Variants in ANTXR2 observed in about 807,000 individuals in gnomAD.
ANTXR2 encodes anthrax toxin receptor 2.
ANTXR2 carries 44 observed loss-of-function variants against 73.7 expected under a neutral mutation model. That is an observed-to-expected ratio of 0.60 (90% CI 0.47 to 0.77). The LOEUF (loss-of-function observed/expected upper bound fraction) is 0.77. Ranked by LOEUF, ANTXR2 falls within the 30% of genes least tolerant of loss-of-function variation. ANTXR2 has a pLI of 0.00. For synonymous variants in ANTXR2, 217 were observed against 205.9 expected, an observed-to-expected ratio of 1.05 and a Z score of -0.46; for missense variants, 604 against 592.5, an observed-to-expected ratio of 1.02 and a Z score of -0.20.
At chr4:80,025,978 C>T (rs774769690) in intron 10 of ANTXR2, among the ~76,000 whole-genome samples, 1 of 152,126 alleles carries the variant, frequency 6.6e-6, no homozygotes, top group African/African-American at 2.4e-5. Context: ...TTTCCATTTG[C>T]TGTGTGTTTT....
At chr4:80,002,753 C>T (rs377169578) in intron 12 of ANTXR2, among the ~76,000 whole-genome samples, 1 of 151,798 alleles carries the variant, frequency 6.6e-6, no homozygotes, top group Non-Finnish European at 1.5e-5. Flanking sequence ...GGGTGAAGGA[C>T]ATGAACAGAC....
At chr4:79,915,827 TCC>T (rs796390499) in intron 16 of ANTXR2, among the ~76,000 whole-genome samples, 27 of 91,932 alleles carry the variant, frequency 2.9e-4, no homozygotes, top group Middle Eastern at 5.1e-3. Context: ...TCTGTCTCTC[TCC>T]CTCTCTCTCT....
chr4:79,977,734 G>A (rs1341828239), intron 15 of ANTXR2, 33 bp from the exon 16 acceptor site: 2 of 1,536,402 alleles, frequency 1.3e-6, no homozygotes, highest in Non-Finnish European at 1.8e-6. Flanking sequence ...AATTCCCAGA[G>A]AATGTACTCA....
intron 12 of ANTXR2, among the ~76,000 whole-genome samples, chr4:79,989,945 A>G (rs1405604182): frequency 6.6e-6 from 1 of 151,836 alleles, no homozygotes; most frequent in East Asian, 1.9e-4. Context: ...CTTCATGTTA[A>G]AACTCTCAAC....
intron 12 of ANTXR2, among the ~76,000 whole-genome samples, chr4:79,989,239 A>T (rs897024085): frequency 6.6e-6 from 1 of 152,012 alleles, no homozygotes; most frequent in African/African-American, 2.4e-5. Flanking sequence ...AGATTGATAA[A>T]CCACTAACTA....
At chr4:79,951,595 A>C (rs886581968) in intron 16 of ANTXR2, among the ~76,000 whole-genome samples, 785 of 68,276 alleles carry the variant, frequency 0.011, 6 homozygotes, top group African/African-American at 0.02. Flanking sequence ...CAACAACAAA[A>C]AAAAAAAAAC....
chr4:79,908,664 A>C (rs889965314), intron 16 of ANTXR2, among the ~76,000 whole-genome samples: 1 of 152,192 alleles, frequency 6.6e-6, no homozygotes, highest in East Asian at 1.9e-4. Flanking sequence ...GCCAATTTTT[A>C]TTACTTACTT....
At chr4:80,058,549 T>G (rs1734105995) in intron 3 of ANTXR2, among the ~76,000 whole-genome samples, 1 of 152,080 alleles carries the variant, frequency 6.6e-6, no homozygotes, top group Admixed American at 6.6e-5. Context: ...CAGACAGATC[T>G]CAGACCCTTG....
chr4:79,923,926 T>A (rs977729401), intron 16 of ANTXR2, among the ~76,000 whole-genome samples: 1 of 152,170 alleles, frequency 6.6e-6, no homozygotes, highest in Admixed American at 6.6e-5. Context: ...TATGAATTAT[T>A]AACATTATTA....
chr4:80,070,829 T>A (rs1734752970), intron 2 of ANTXR2, among the ~76,000 whole-genome samples: 1 of 152,060 alleles, frequency 6.6e-6, no homozygotes, highest in South Asian at 2.1e-4. Context: ...TCCTTTCCAT[T>A]ATCTTGATAA....
At chr4:79,908,776 C>T (rs971268780) in intron 16 of ANTXR2, among the ~76,000 whole-genome samples, 7 of 152,100 alleles carry the variant, frequency 4.6e-5, no homozygotes, top group Non-Finnish European at 8.8e-5. Flanking sequence ...TGATACAGGT[C>T]ATAGGTCATG....
intron 16 of ANTXR2, among the ~76,000 whole-genome samples, chr4:79,962,568 G>C (rs557056932): frequency 6.6e-6 from 1 of 152,110 alleles, no homozygotes; most frequent in African/African-American, 2.4e-5. Flanking sequence ...ACAAATTTCA[G>C]ATCTTATAGA....
chr4:80,063,905 C>T (rs1734378206), intron 3 of ANTXR2, among the ~76,000 whole-genome samples: 1 of 152,076 alleles, frequency 6.6e-6, no homozygotes, highest in Admixed American at 6.5e-5. Flanking sequence ...CCTTTCCATG[C>T]TAATGCTAGT....
intron 3 of ANTXR2, among the ~76,000 whole-genome samples, chr4:80,057,671 T>C (rs1021584818): frequency 2.6e-5 from 4 of 151,480 alleles, no homozygotes; most frequent in African/African-American, 9.7e-5. Context: ...CCAAGCTTTC[T>C]AGTCATACTC....
intron 8 of ANTXR2, among the ~76,000 whole-genome samples, chr4:80,035,266 T>C (rs944536295): frequency 6.6e-6 from 1 of 152,150 alleles, no homozygotes; most frequent in East Asian, 1.9e-4. Context: ...AACATCTCCA[T>C]ATTCATTCAT....
chr4:80,069,701 G>A (rs769223121), intron 2 of ANTXR2, among the ~76,000 whole-genome samples, 194 bp from the exon 3 acceptor site: 10 of 152,130 alleles, frequency 6.6e-5, no homozygotes, highest in Non-Finnish European at 1.2e-4. Context: ...TTTAGTCAAC[G>A]CTTCCCAGCA....
chr4:79,913,036 G>C, intron 16 of ANTXR2, among the ~76,000 whole-genome samples: 1 of 152,122 alleles, frequency 6.6e-6, no homozygotes, highest in East Asian at 1.9e-4. Flanking sequence ...TTTTCAAAGA[G>C]TGAATTCATT....
chr4:79,985,802 G>A (rs1181111002), intron 12 of ANTXR2, among the ~76,000 whole-genome samples: 1 of 148,988 alleles, frequency 6.7e-6, no homozygotes. Flanking sequence ...CCCCTTTCCT[G>A]TGATGCCTTA....
At chr4:79,931,551 CT>C (rs1728059353) in intron 16 of ANTXR2, among the ~76,000 whole-genome samples, 1 of 152,046 alleles carries the variant, frequency 6.6e-6, no homozygotes, top group Admixed American at 6.6e-5. Flanking sequence ...CCAGGGCTAA[CT>C]CACAGAAGGT....
Sources: gnomAD v4.1 joint callset for allele counts (sites outside exome capture counted in the v4.1 genomes callset) on GRCh38, gnomAD v4.1.1 for gene constraint, MANE v1.5 for transcripts, NCBI Gene and HGNC (gene_info 2026-07-23, HGNC 2026-07-21) for gene names.